PHLPP2: variants seen among roughly 807,000 people sequenced by gnomAD.
PHLPP2 encodes the protein PH domain leucine-rich repeat-containing protein phosphatase 2.
In PHLPP2, 66 loss-of-function variants were observed where a neutral mutation model predicts 124.9. That is an observed-to-expected ratio of 0.53 (90% CI 0.43 to 0.65). The LOEUF (loss-of-function observed/expected upper bound fraction) is 0.65, where lower values mean the gene tolerates loss of function less well. Among genes scored for constraint, PHLPP2 ranks in the 30% least tolerant of loss-of-function variants. PHLPP2 has a pLI of 0.00. For missense variants in PHLPP2, 1,685 were observed against 1,600.4 expected (o/e 1.05, Z -0.90); for synonymous variants, 681 against 624.7 (o/e 1.09, Z -1.34).
At chr16:71,714,165 C>T (rs2045342207) in intron 2 of PHLPP2, among the ~76,000 whole-genome samples, 1 of 152,086 alleles carries the variant, frequency 6.6e-6, no homozygotes. Context: ...GTCTCGAACT[C>T]CTGACCTCAA....
chr16:71,680,059 G>A (rs1364542671), intron 6 of PHLPP2, among the ~76,000 whole-genome samples: 3 of 151,920 alleles, frequency 2.0e-5, no homozygotes, highest in African/African-American at 4.8e-5. Flanking sequence ...CTCCAGCCTG[G>A]GCCACAGAGT....
intron 15 of PHLPP2, 145 bp downstream of exon 15, chr16:71,658,088 A>G: frequency 1.6e-6 from 1 of 640,780 alleles, no homozygotes; most frequent in Non-Finnish European, 2.6e-6. Flanking sequence ...TTCATAACTT[A>G]ATCAAAGAAG....
In PHLPP2 at chr16:71,690,651, T is replaced by C. The variant is rs1172730247; in HGVS notation, c.477A>G (p.Val159=). 6.2e-7 allele frequency: 1 copy of C among 1,613,928 alleles called. No individual in the cohort carries two copies. Residue 159 remains valine (V), a synonymous_variant, in exon 4 of 19, where the codon GTA becomes GTG. Coordinates refer to ENST00000568954, the MANE Select transcript of PHLPP2 (RefSeq NM_015020.3). ...TATGCAGCTGGGTCTTTCCCTTGCG[T>C]ACATTATAGATGCCAGACAATAGGA... The part of the protein sequence containing the change: ...DRILLSGIYN[V]RKGKTQLHKW...
rs1046777717 is a variant in PHLPP2 at position 71,679,134 on chromosome 16, T to C, written c.1038-149A>G. The C allele has an allele frequency of 1.5e-4, 93 of 628,054 alleles. No homozygotes were observed. The African/African-American group carries it at 1.5e-3, about 10-fold the overall frequency. 38.9% of individuals were successfully genotyped at this position (628,054 alleles called of 1,614,324 possible). On this transcript the variant is annotated intron_variant, in intron 7 of 18. Transcript: ENST00000568954. The stretch of plus-strand genomic sequence containing the variant: ...TAACTCTCCATCTATGCAGACTTAA[T>C]AGATGATTTACACACAACTTAAACA...
intron 3 of PHLPP2, among the ~76,000 whole-genome samples, chr16:71,696,639 C>T (rs910767216): frequency 1.3e-5 from 2 of 149,128 alleles, no homozygotes; most frequent in South Asian, 2.1e-4. Flanking sequence ...CACAGTGAGA[C>T]TCCATCTCAA....
In PHLPP2 at chr16:71,676,723, A is replaced by G. The variant is rs920473102; in HGVS notation, c.1269-74T>C. 2.3e-5 allele frequency: 26 copies of G among 1,126,750 alleles called. No homozygotes were observed. The Admixed American group carries it at 3.6e-4, about 16-fold the overall frequency. The allele number at this position is 1,126,750 out of a possible 1,614,324, so 69.8% of individuals were successfully genotyped here. A position where few individuals can be genotyped will look rare whatever the true frequency, so the allele number is the denominator to read the frequency against. On this transcript the variant is annotated intron_variant, in intron 8 of 18. Transcript: ENST00000568954. ...TGTGCTTACCAGAATAAAAATAAAA[A>G]ATAGGACAGGTATGATCCCTTTCTC...
chr16:71,701,452 T>C (rs183257107), intron 3 of PHLPP2, among the ~76,000 whole-genome samples: 24 of 152,316 alleles, frequency 1.6e-4, no homozygotes, highest in Admixed American at 1.4e-3. Flanking sequence ...CTAGCTTTTC[T>C]ATGTCAACAG....
chr16:71,691,192 GCCT>G (rs2045107942), intron 3 of PHLPP2, among the ~76,000 whole-genome samples: 1 of 152,152 alleles, frequency 6.6e-6, no homozygotes. Flanking sequence ...AGTGGCTCCC[GCCT>G]GCAATCCCAG....
intron 17 of PHLPP2, among the ~76,000 whole-genome samples, chr16:71,654,120 G>T (rs368626303): frequency 2.9e-4 from 44 of 151,488 alleles, no homozygotes; most frequent in African/African-American, 1.0e-3. Flanking sequence ...GCGTGAACCC[G>T]GGAGACGGAG....
In PHLPP2 at chr16:71,702,594, T is replaced by C; in HGVS notation, c.418+4A>G. 6 of 1,608,670 alleles carry C rather than the reference T, an allele frequency of 3.7e-6. No homozygotes were observed. The highest frequency in any genetic ancestry group is 5.1e-6 in the Non-Finnish European group (6 of 1,177,630). Reference sequence around the variant, plus strand: ...AACATACAAAGCCACTGATAAATTCTTACCACCATAAAATCGAATCATACA... The same window carrying C: ...AACATACAAAGCCACTGATAAATTCCTACCACCATAAAATCGAATCATACA... On this transcript the variant is annotated splice_donor_region_variant and intron_variant, in intron 3 of 18. Coordinates refer to ENST00000568954, the MANE Select transcript of PHLPP2 (RefSeq NM_015020.3).
At chr16:71,655,203 A>G (rs1338933813) in intron 17 of PHLPP2, 37 bp downstream of exon 17, 1 of 1,403,766 alleles carries the variant, frequency 7.1e-7, no homozygotes, top group South Asian at 1.2e-5. Flanking sequence ...TTCCAAAAGT[A>G]GAACTGAGTT....
intron 13 of PHLPP2, among the ~76,000 whole-genome samples, chr16:71,662,677 A>T (rs1442066413): frequency 6.6e-6 from 1 of 152,118 alleles, no homozygotes; most frequent in African/African-American, 2.4e-5. Flanking sequence ...AGTTTTTGAA[A>T]ATATTATTTT....
At position 71,702,661 on chromosome 16, in the gene PHLPP2, G is replaced by A; in HGVS notation, c.355C>T (p.Pro119Ser). Reference protein sequence around the residue: ...DYLSRLGFDDPVRIQEEATNP... With the variant: ...DYLSRLGFDDSVRIQEEATNP... ...GTAGCCTCCTCCTGTATGCGCACAG[G>A]ATCATCAAATCCCAGCCTGGATAAG... Residue 119 changes from proline (P) to serine (S), a missense_variant, in exon 3 of 19, where the codon CCT (proline) becomes TCT (serine). Transcript: ENST00000568954. 6.2e-7 allele frequency: 1 copy of A among 1,610,638 alleles called. No homozygotes were observed. Among genetic ancestry groups the A allele is most frequent in the South Asian group, 1.1e-5 (1 of 90,926 alleles).
At chr16:71,717,180 C>T (rs532406582) in intron 1 of PHLPP2, among the ~76,000 whole-genome samples, 1 of 152,224 alleles carries the variant, frequency 6.6e-6, no homozygotes, top group Admixed American at 6.5e-5. Flanking sequence ...AGTAGTATTC[C>T]TCATTGGAAA....
chr16:71,705,942 G>A (rs1369897694), intron 2 of PHLPP2, among the ~76,000 whole-genome samples: 1 of 152,160 alleles, frequency 6.6e-6, no homozygotes, highest in Admixed American at 6.6e-5. Context: ...GCTGAAAAAA[G>A]TAGACAGTAT....
intron 8 of PHLPP2, chr16:71,677,621 T>C (rs2044959543): frequency 6.7e-6 from 1 of 149,966 alleles, no homozygotes; most frequent in Non-Finnish European, 1.5e-5. Context: ...AAGTCTCCAG[T>C]GTGGTTTAAA....
At position 71,664,056 on chromosome 16, in the gene PHLPP2, G is replaced by A; in HGVS notation, c.1828C>T (p.Pro610Ser). Residue 610 changes from proline to serine, a missense_variant, in exon 13 of 19, where the codon CCA (proline) becomes TCA (serine). Transcript: ENST00000568954. The stretch of plus-strand genomic sequence containing the variant: ...CTCTCCTCTCCAGTGCAGGCGGATG[G>A]TAAAGACTCCAGACTATTTGCAGAT... ...NASANSLESL[P>S]SACTGEESLS... is the part of the protein sequence containing the mutation. 2 of 1,613,920 alleles carry A rather than the reference G, an allele frequency of 1.2e-6. No individual in the cohort carries two copies. Among genetic ancestry groups the A allele is most frequent in the Non-Finnish European group, 1.7e-6 (2 of 1,179,814 alleles).
At chr16:71,712,506 C>A (rs753023604) in intron 2 of PHLPP2, among the ~76,000 whole-genome samples, 1 of 152,038 alleles carries the variant, frequency 6.6e-6, no homozygotes, top group African/African-American at 2.4e-5. Context: ...ATGAATACAC[C>A]ATATACTTAA....
chr16:71,663,770 A>G, intron 13 of PHLPP2, 129 bp downstream of exon 13: 1 of 721,502 alleles, frequency 1.4e-6, no homozygotes, highest in Non-Finnish European at 2.4e-6. Context: ...CCACTCAACT[A>G]GTGAAATCAT....
Sources: gnomAD v4.1 joint callset for allele counts (sites outside exome capture counted in the v4.1 genomes callset) on GRCh38, gnomAD v4.1.1 for gene constraint, MANE v1.5 for transcripts, NCBI Gene and HGNC (gene_info 2026-07-23, HGNC 2026-07-21) for gene names.